Variants in ADAMTS19 observed in about 807,000 individuals in gnomAD.
ADAMTS19 encodes the protein A disintegrin and metalloproteinase with thrombospondin motifs 19.
Under a neutral mutation model 153.3 loss-of-function variants are expected in ADAMTS19, and 93 were observed. The ratio of observed to expected loss-of-function variants is 0.61; its 90% CI spans 0.51 to 0.72. ADAMTS19 has a LOEUF of 0.72. Among genes scored for constraint, ADAMTS19 ranks in the 30% least tolerant of loss-of-function variants. ADAMTS19 has a pLI of 0.00. For synonymous variants in ADAMTS19, 600 were observed against 556.6 expected (o/e 1.08, Z -1.10); for missense variants, 1,482 against 1,552.1 (o/e 0.95, Z 0.76).
intron 21 of ADAMTS19, among the ~76,000 whole-genome samples, chr5:129,730,640 T>C (rs956205071): frequency 6.6e-6 from 1 of 152,100 alleles, no homozygotes; most frequent in African/African-American, 2.4e-5. Context: ...ATACAGAACA[T>C]GTACTTTTGG....
intron 7 of ADAMTS19, among the ~76,000 whole-genome samples, chr5:129,556,721 T>G (rs1418108018): frequency 1.3e-5 from 2 of 151,946 alleles, no homozygotes; most frequent in Admixed American, 6.6e-5. Flanking sequence ...AAGACAGAGA[T>G]ACAATATGAA....
At chr5:129,643,387 G>GAAAAAAAAAAAAAAA (rs1243600325) in intron 11 of ADAMTS19, among the ~76,000 whole-genome samples, 1 of 114,484 alleles carries the variant, frequency 8.7e-6, no homozygotes, top group Non-Finnish European at 1.8e-5. Flanking sequence ...AAAAAAAAAA[G>GAAAAAAAAAAAAAAA]AAAAAAAAAA....
chr5:129,615,037 G>A (rs944447404), intron 8 of ADAMTS19, among the ~76,000 whole-genome samples: 6 of 151,128 alleles, frequency 4.0e-5, no homozygotes, highest in Non-Finnish European at 5.9e-5. Flanking sequence ...AAATAAAAGA[G>A]GATACAAACA....
chr5:129,534,419 G>A (rs1752335350), intron 6 of ADAMTS19, among the ~76,000 whole-genome samples: 1 of 152,146 alleles, frequency 6.6e-6, no homozygotes, highest in Non-Finnish European at 1.5e-5. Context: ...CTCTGAAATT[G>A]AGGCAATAAT....
At chr5:129,676,287 C>G (rs1754547211) in intron 16 of ADAMTS19, among the ~76,000 whole-genome samples, 1 of 152,130 alleles carries the variant, frequency 6.6e-6, no homozygotes, top group South Asian at 2.1e-4. Flanking sequence ...ACTTGCAGAT[C>G]AGCTTAACTT....
intron 21 of ADAMTS19, among the ~76,000 whole-genome samples, chr5:129,718,843 AC>A (rs1174705584): frequency 4.6e-5 from 7 of 152,178 alleles, no homozygotes; most frequent in Non-Finnish European, 7.4e-5. Context: ...TGAGGAAAAA[AC>A]ATTTGTGCTC....
chr5:129,701,979 T>C (rs1755884133), intron 20 of ADAMTS19, among the ~76,000 whole-genome samples: 1 of 152,222 alleles, frequency 6.6e-6, no homozygotes, highest in South Asian at 2.1e-4. Context: ...AAGGAATGTG[T>C]TTTTACTTAA....
intron 2 of ADAMTS19, among the ~76,000 whole-genome samples, chr5:129,501,341 G>A (rs1199491325): frequency 1.3e-5 from 2 of 152,114 alleles, no homozygotes; most frequent in African/African-American, 4.8e-5. Flanking sequence ...GTGTGCCTTT[G>A]GCAGCCAAGA....
intron 3 of ADAMTS19, among the ~76,000 whole-genome samples, chr5:129,520,570 G>A (rs1392642226): frequency 6.6e-6 from 1 of 151,876 alleles, no homozygotes; most frequent in Non-Finnish European, 1.5e-5. Flanking sequence ...GGAAGAATTT[G>A]TTTCCACTAA....
chr5:129,696,255 TAAA>T (rs568901783), intron 19 of ADAMTS19, among the ~76,000 whole-genome samples: 150 of 152,128 alleles, frequency 9.9e-4, no homozygotes, highest in South Asian at 2.9e-3. Flanking sequence ...CCATCTCTAC[TAAA>T]AATACAAAAT....
chr5:129,505,144 G>A (rs892632782), intron 2 of ADAMTS19, among the ~76,000 whole-genome samples: 2 of 152,056 alleles, frequency 1.3e-5, no homozygotes, highest in Non-Finnish European at 2.9e-5. Flanking sequence ...TTGTTCAACT[G>A]AGCCTCAAAA....
chr5:129,472,386 G>T (rs547957377), intron 2 of ADAMTS19, among the ~76,000 whole-genome samples: 73 of 152,242 alleles, frequency 4.8e-4, no homozygotes, highest in African/African-American at 1.6e-3. Flanking sequence ...GATCTTGCAT[G>T]AATTTTAATC....
At chr5:129,679,179 A>G (rs2127114552) in intron 16 of ADAMTS19, among the ~76,000 whole-genome samples, 1 of 152,340 alleles carries the variant, frequency 6.6e-6, no homozygotes, top group African/African-American at 2.4e-5. Flanking sequence ...AATAACATTT[A>G]TCTTCCATTC....
chr5:129,680,776 C>A (rs113446469), intron 17 of ADAMTS19, among the ~76,000 whole-genome samples: 1,858 of 135,022 alleles, frequency 0.014, 24 homozygotes, highest in African/African-American at 0.04. Context: ...AAAAAAAAAA[C>A]AAAAAAAAAA....
intron 21 of ADAMTS19, among the ~76,000 whole-genome samples, chr5:129,707,791 T>C (rs534080748): frequency 1.1e-4 from 17 of 152,206 alleles, no homozygotes; most frequent in Admixed American, 1.1e-3. Flanking sequence ...GTGTCAATAC[T>C]AAAGTGGACT....
intron 7 of ADAMTS19, among the ~76,000 whole-genome samples, chr5:129,565,914 T>C (rs12517522): frequency 0.58 from 87,703 of 151,886 alleles, 26,884 homozygotes; most frequent in Non-Finnish European, 0.69. Flanking sequence ...AGCAACAGTA[T>C]TGGGGAAAAT....
At chr5:129,479,285 G>A (rs1364596623) in intron 2 of ADAMTS19, among the ~76,000 whole-genome samples, 1 of 152,140 alleles carries the variant, frequency 6.6e-6, no homozygotes, top group Non-Finnish European at 1.5e-5. Context: ...ATAAGTATAG[G>A]AGTAGAAATA....
In ADAMTS19 at chr5:129,461,235, C is replaced by T. The variant is rs1483381041; in HGVS notation, c.225C>T (p.Gly75=). ...GCTGGGTGCGCGGCGTTGGGGGCGG[C>T]GGAAGCGCCCGGGCGCAGGCTGCCG... ...DPGWVRGVGG[G]GSARAQAAGS... The change falls in exon 2 of 23, where the codon GGC becomes GGT. Residue 75 remains glycine (G), a synonymous_variant. Coordinates refer to ENST00000274487, the MANE Select transcript of ADAMTS19 (RefSeq NM_133638.6). The surrounding 1 kb of genome is among the most constrained non-coding windows in gnomAD (Gnocchi z 4.6). The T allele has an allele frequency of 7.9e-7, 1 of 1,265,562 alleles. No homozygotes were observed. The highest frequency in any genetic ancestry group is 9.9e-7 in the Non-Finnish European group (1 of 1,011,426). The allele number at this position is 1,265,562 out of a possible 1,614,324, so 78.4% of individuals were successfully genotyped here. A position where few individuals can be genotyped will look rare whatever the true frequency, so the allele number is the denominator to read the frequency against.
chr5:129,685,957 A>G (rs1755067560), intron 18 of ADAMTS19, among the ~76,000 whole-genome samples: 1 of 152,198 alleles, frequency 6.6e-6, no homozygotes, highest in Non-Finnish European at 1.5e-5. Flanking sequence ...AGTTGAAACT[A>G]TTTTGTCAAT....
Sources: allele counts gnomAD v4.1 joint callset (sites outside exome capture counted in the v4.1 genomes callset), GRCh38; gene constraint gnomAD v4.1.1; non-coding constraint Gnocchi (gnomAD v3.1); transcripts MANE v1.5; gene names NCBI Gene and HGNC (gene_info 2026-07-23, HGNC 2026-07-21).